The following CDH23 variants were observed in gnomAD, a reference collection of about 807,000 sequenced individuals.
The protein encoded by CDH23 is cadherin-23.
Under a neutral mutation model 317.1 loss-of-function variants are expected in CDH23, and 189 were observed. The observed-to-expected ratio is 0.60, with a 90% CI of 0.53 to 0.67. The LOEUF is 0.67. Among genes scored for constraint, CDH23 ranks in the 30% least tolerant of loss-of-function variants. The probability of loss-of-function intolerance (pLI) is 0.00; values close to 1 mark genes in which losing one functional copy is unlikely to be tolerated. For synonymous variants in CDH23, 1,839 were observed against 1,876.8 expected, an observed-to-expected ratio of 0.98 and a Z score of 0.52; for missense variants, 4,401 against 4,592.4, an observed-to-expected ratio of 0.96 and a Z score of 1.20.
chr10:71,764,098 C>G (rs1224129671), intron 38 of CDH23, among the ~76,000 whole-genome samples: 2 of 152,138 alleles, frequency 1.3e-5, no homozygotes, highest in East Asian at 1.9e-4. Flanking sequence ...CACAGAGACC[C>G]AGAAAGGGAA....
intron 14 of CDH23, among the ~76,000 whole-genome samples, chr10:71,657,499 T>C (rs1236505281): frequency 6.6e-6 from 1 of 152,212 alleles, no homozygotes; most frequent in African/African-American, 2.4e-5. Context: ...ATAAAGCTGA[T>C]GACAAAACTT....
At chr10:71,499,216 AGAGTGTG>A (rs1853141345) in intron 3 of CDH23, among the ~76,000 whole-genome samples, 1 of 152,196 alleles carries the variant, frequency 6.6e-6, no homozygotes, top group African/African-American at 2.4e-5. Context: ...TCATGGAAGT[AGAGTGTG>A]GAATGATGGT....
At position 71,477,862 on chromosome 10, in the gene CDH23, C is replaced by T. The variant is rs1048457102; in HGVS notation, c.145+31467C>T. Among the ~76,000 whole-genome samples the T allele has an allele frequency of 7.2e-5, 11 of 152,114 alleles. 1 individual carries two copies. Among genetic ancestry groups the T allele is most frequent in the Admixed American group, 5.9e-4 (9 of 15,268 alleles). ...TCTCTCTGCTGGGCTCTTATTATCC[C>T]GGCTTAGGCAGGACTGGTAAATCCC... On this transcript the variant is annotated intron_variant, in intron 3 of 69. Coordinates refer to ENST00000224721, the MANE Select transcript of CDH23 (RefSeq NM_022124.6).
intron 14 of CDH23, among the ~76,000 whole-genome samples, chr10:71,670,961 C>CTTTTT (rs762870565): frequency 7.8e-6 from 1 of 128,596 alleles, no homozygotes; most frequent in East Asian, 2.4e-4. Flanking sequence ...GATTTGGCAT[C>CTTTTT]TTTTTTTTTT....
chr10:71,449,012 A>C (rs1029693230), intron 3 of CDH23, among the ~76,000 whole-genome samples: 2 of 152,224 alleles, frequency 1.3e-5, no homozygotes, highest in Admixed American at 1.3e-4. Flanking sequence ...TCTTTGACTC[A>C]GGGTTCCAGT....
intron 46 of CDH23, 149 bp downstream of exon 46, chr10:71,790,562 C>A: frequency 9.2e-7 from 1 of 1,087,922 alleles, no homozygotes; most frequent in Non-Finnish European, 1.3e-6. Context: ...CATCTTGCAG[C>A]TGGGTTATAT....
At chr10:71,459,522 C>T (rs996140845) in intron 3 of CDH23, among the ~76,000 whole-genome samples, 1 of 152,206 alleles carries the variant, frequency 6.6e-6, no homozygotes, top group African/African-American at 2.4e-5. Context: ...GAATGATATT[C>T]TATGTGGCCA....
chr10:71,688,141 T>G (rs1259465063), intron 19 of CDH23, among the ~76,000 whole-genome samples: 1 of 152,170 alleles, frequency 6.6e-6, no homozygotes, highest in Non-Finnish European at 1.5e-5. Flanking sequence ...TATGTGAGGA[T>G]GCGATTGAGA....
rs4114599 is a variant in CDH23 at position 71,693,381 on chromosome 10, C to G, written c.2177-766C>G. Among the ~76,000 whole-genome samples the G allele has an allele frequency of 1.2e-4, 18 of 152,078 alleles. No homozygotes were observed. In the East Asian group the frequency reaches 1.5e-3, roughly 13 times the overall value. On this transcript the variant is annotated intron_variant, in intron 20 of 69. Transcript: ENST00000224721. ...GTTACACCAAAATACAAAGAAAGAC[C>G]AAATACAGGCGAACAAGAAATGTTG... is the stretch of plus-strand genomic sequence containing the variant.
intron 1 of CDH23, among the ~76,000 whole-genome samples, chr10:71,409,290 G>T (rs371225255): frequency 3.7e-4 from 56 of 152,244 alleles, no homozygotes; most frequent in African/African-American, 1.3e-3. Context: ...CAAAGGGGCT[G>T]GTGAACCCCA....
chr10:71,727,154 GC>G (rs1866851129), intron 30 of CDH23, among the ~76,000 whole-genome samples: 1 of 152,204 alleles, frequency 6.6e-6, no homozygotes, highest in South Asian at 2.1e-4. Flanking sequence ...TATGAAGTAG[GC>G]ACTGTTAATA....
In CDH23 at chr10:71,759,900, T is replaced by TATACACACACACAC. The variant is rs1564779295; in HGVS notation, c.4846-17777_4846-17776insCACACACACACATA. ...ACACACACACATATACACACACACA[T>TATACACACACACAC]ATATACACACACACATATATACACA... On this transcript the variant is annotated intron_variant, in intron 38 of 69. Transcript: ENST00000224721. 9.2e-3 allele frequency among the ~76,000 whole-genome samples: 415 copies of TATACACACACACAC among 44,922 alleles called. 38 individuals carry two copies. Among genetic ancestry groups the TATACACACACACAC allele is most frequent in the East Asian group, 0.028 (39 of 1,382 alleles). The allele number at this position is 44,922 out of a possible 152,430, so 29.5% of individuals were successfully genotyped here. A position where few individuals can be genotyped will look rare whatever the true frequency, so the allele number is the denominator to read the frequency against.
intron 9 of CDH23, among the ~76,000 whole-genome samples, chr10:71,579,435 C>T (rs144936305): frequency 2.0e-5 from 3 of 152,232 alleles, no homozygotes; most frequent in Middle Eastern, 6.8e-3. Context: ...CCTGGTGTAG[C>T]GTAAACCCCG....
chr10:71,709,411 G>C (rs1231334109), intron 27 of CDH23, among the ~76,000 whole-genome samples, 200 bp downstream of exon 27: 1 of 152,202 alleles, frequency 6.6e-6, no homozygotes, highest in African/African-American at 2.4e-5. Flanking sequence ...AAGACACTAG[G>C]ATGGTAAGGT....
In CDH23 at chr10:71,613,139, G is replaced by A. The variant is rs975332141; in HGVS notation, c.833-2365G>A. Among the ~76,000 whole-genome samples the A allele has an allele frequency of 7.9e-5, 12 of 152,300 alleles. No individual in the cohort carries two copies. In the South Asian group the frequency reaches 1.0e-3, roughly 13 times the overall value. ...GCTGGGATTACAGGCATGAGCCACC[G>A]CGCCCAGCCTGTATGCTCATTAGAG... On this transcript the variant is annotated intron_variant, in intron 9 of 69. Transcript: ENST00000224721.
intron 9 of CDH23, among the ~76,000 whole-genome samples, chr10:71,601,976 G>T (rs1860253970): frequency 6.7e-6 from 1 of 149,902 alleles, no homozygotes; most frequent in African/African-American, 2.5e-5. Context: ...GGGGGGCTCT[G>T]CAGCCCCCAG....
rs1327732062 is a variant in CDH23, at chr10:71,788,963, C to T, written c.5844C>T (p.Phe1948=). 2 of 1,595,630 alleles carry T rather than the reference C, an allele frequency of 1.3e-6. No individual in the cohort carries two copies. The highest frequency in any genetic ancestry group is 2.2e-5 in the East Asian group (1 of 44,826). Residue 1948 remains phenylalanine, a synonymous_variant, in exon 45 of 70, where the codon TTC becomes TTT. Coordinates refer to ENST00000224721, the MANE Select transcript of CDH23 (RefSeq NM_022124.6). ...AGGATTATGACTTGCTTCTGATCTT[C>T]CTTTCTGATGAGAATGACAACCACC... The part of the protein sequence containing the change: ...ARRDYDLLLI[F]LSDENDNHPL...
intron 6 of CDH23, among the ~76,000 whole-genome samples, chr10:71,541,947 T>C (rs1210733539): frequency 1.3e-5 from 2 of 152,240 alleles, no homozygotes; most frequent in Non-Finnish European, 2.9e-5. Flanking sequence ...CATTCTTTGC[T>C]GGTGGTTTCA....
intron 6 of CDH23, among the ~76,000 whole-genome samples, chr10:71,543,229 C>T (rs140488494): frequency 6.6e-6 from 1 of 152,322 alleles, no homozygotes; most frequent in African/African-American, 2.4e-5. Context: ...ATTTCTGGAG[C>T]AGGGCTTTCA....
Sources: gnomAD v4.1 joint callset for allele counts (sites outside exome capture counted in the v4.1 genomes callset) on GRCh38, gnomAD v4.1.1 for gene constraint, MANE v1.5 for transcripts, NCBI Gene and HGNC (gene_info 2026-07-23, HGNC 2026-07-21) for gene names.